The following HMCN1 variants were observed in gnomAD, a reference collection of about 807,000 sequenced individuals.
HMCN1 encodes the protein hemicentin 1, also known as hemicentin-1.
Under a neutral mutation model 625.9 loss-of-function variants are expected in HMCN1, and 321 were observed. The ratio of observed to expected loss-of-function variants is 0.51; its 90% CI spans 0.47 to 0.56. HMCN1 has a LOEUF of 0.56. Ranked by LOEUF, HMCN1 falls within the 20% of genes least tolerant of loss-of-function variation. The probability of loss-of-function intolerance (pLI) is 0.00; values close to 1 mark genes in which losing one functional copy is unlikely to be tolerated. For missense variants in HMCN1, 6,588 were observed against 6,887.3 expected (o/e 0.96, Z 1.54); for synonymous variants, 2,425 against 2,417.6 (o/e 1.00, Z -0.09).
chr1:186,142,030 AG>A (rs1348599838), intron 89 of HMCN1, among the ~76,000 whole-genome samples: 1 of 152,128 alleles, frequency 6.6e-6, no homozygotes, highest in Non-Finnish European at 1.5e-5. Context: ...TTAGTTTCAG[AG>A]GTATATGTTC....
At chr1:186,055,365 T>C in intron 44 of HMCN1, 28 bp from the exon 45 acceptor site, 1 of 1,608,830 alleles carries the variant, frequency 6.2e-7, no homozygotes, top group Non-Finnish European at 8.5e-7. Flanking sequence ...TCCTCTTTTG[T>C]TTCTTTTTAT....
At chr1:185,821,944 G>A (rs1204080395) in intron 1 of HMCN1, among the ~76,000 whole-genome samples, 1 of 150,676 alleles carries the variant, frequency 6.6e-6, no homozygotes, top group Non-Finnish European at 1.5e-5. Flanking sequence ...ATATTGCTAA[G>A]TGAAAGAAGC....
rs1658704236 is a variant in HMCN1, at chr1:186,074,804, G to A, written c.8203G>A (p.Ala2735Thr). The stretch of plus-strand genomic sequence containing the variant: ...TGGACACACACTTCAAATAAAGGAG[G>A]CTCAAATATCAGACACCGGACGATA... ...ANGHTLQIKE[A>T]QISDTGRYTC... The change falls in exon 53 of 107, where the codon GCT (alanine) becomes ACT (threonine). Residue 2735 changes from alanine to threonine, a missense_variant. This residue lies in a region of HMCN1 where 4,628 missense variants were observed against 4,853.1 expected (regional missense o/e 0.95). Coordinates refer to ENST00000271588, the MANE Select transcript of HMCN1 (RefSeq NM_031935.3). 4.3e-6 allele frequency: 7 copies of A among 1,612,964 alleles called. No individual in the cohort carries two copies. The South Asian group carries it at 6.6e-5, about 15-fold the overall frequency.
At chr1:186,189,030 G>C (rs1653540352) in intron 106 of HMCN1, among the ~76,000 whole-genome samples, 2 of 152,064 alleles carry the variant, frequency 1.3e-5, no homozygotes, top group African/African-American at 4.8e-5. Context: ...AATTACAAAA[G>C]AAGTACCCCT....
intron 86 of HMCN1, among the ~76,000 whole-genome samples, chr1:186,135,843 C>G (rs192780693): frequency 6.6e-6 from 1 of 152,264 alleles, no homozygotes; most frequent in African/African-American, 2.4e-5. Flanking sequence ...TATTAGTACA[C>G]GTTAGTTCCA....
At chr1:186,147,124 G>A (rs762035905) in intron 93 of HMCN1, among the ~76,000 whole-genome samples, 1 of 152,036 alleles carries the variant, frequency 6.6e-6, no homozygotes, top group Non-Finnish European at 1.5e-5. Context: ...TACTCTCTAC[G>A]CTTTCTACTG....
At chr1:185,761,850 T>A (rs1655526931) in intron 1 of HMCN1, among the ~76,000 whole-genome samples, 1 of 152,190 alleles carries the variant, frequency 6.6e-6, no homozygotes, top group Admixed American at 6.5e-5. Context: ...ATTTTTAAGA[T>A]TTTATTAATA....
intron 97 of HMCN1, among the ~76,000 whole-genome samples, chr1:186,161,566 T>A (rs1313065124): frequency 6.6e-6 from 1 of 152,024 alleles, no homozygotes. Context: ...TACCAGTTGT[T>A]CCTTTCCATG....
At chr1:186,062,853 T>A (rs1286792586) in intron 48 of HMCN1, among the ~76,000 whole-genome samples, 1 of 151,516 alleles carries the variant, frequency 6.6e-6, no homozygotes, top group Non-Finnish European at 1.5e-5. Context: ...CCAAGGTCTA[T>A]TATTTCACTC....
rs71101980 is a variant in HMCN1, at chr1:185,858,586, A to ATTTTTTTTT, written c.340-5845_340-5837dup. 2.6e-4 allele frequency among the ~76,000 whole-genome samples: 9 copies of ATTTTTTTTT among 34,744 alleles called. 3 individuals carry two copies. The highest frequency in any genetic ancestry group is 3.9e-4 in the Non-Finnish European group (7 of 17,942). 22.8% of individuals were successfully genotyped at this position (34,744 alleles called of 152,430 possible). A position where few individuals can be genotyped will look rare whatever the true frequency, so the allele number is the denominator to read the frequency against. ...GCCTATATGCCACCACACCCAGCTA[A>ATTTTTTTTT]TTTTTTTTTTTTTTTTTTTTTTTTT... On this transcript the variant is annotated intron_variant, in intron 2 of 106. Transcript: ENST00000271588.
chr1:185,887,098 G>C (rs966547170), intron 4 of HMCN1, among the ~76,000 whole-genome samples: 2 of 151,904 alleles, frequency 1.3e-5, no homozygotes, highest in Admixed American at 6.6e-5. Flanking sequence ...TCTTTCAAGG[G>C]TCATCTTTTG....
intron 46 of HMCN1, among the ~76,000 whole-genome samples, chr1:186,058,876 T>C (rs76331810): frequency 6.6e-6 from 1 of 152,118 alleles, no homozygotes; most frequent in Non-Finnish European, 1.5e-5. Context: ...TCTTGGTTTA[T>C]AACTGATAGG....
chr1:186,128,093 T>C lies in HMCN1; in HGVS notation c.12706T>C (p.Phe4236Leu), dbSNP rs1420833915. ...TTAATTTTAGCTGGAGGATTCTGGCTTCTATACCTGTGTTGCTAACAATGC... is the reference window on the plus strand; with the variant it reads ...TTAATTTTAGCTGGAGGATTCTGGCCTCTATACCTGTGTTGCTAACAATGC... ...LENVVLEDSG[F>L]YTCVANNAAG... is the part of the protein sequence containing the mutation. The change falls in exon 83 of 107, where the codon TTC (phenylalanine) becomes CTC (leucine). Residue 4236 changes from phenylalanine (F) to leucine (L), a missense_variant. By Grantham distance (22) the Phe-to-Leu change is conservative (BLOSUM62 0). This residue lies in a region of HMCN1 where 1,954 missense variants were observed against 2,013.1 expected (regional missense o/e 0.97). Transcript: ENST00000271588. 6.2e-7 allele frequency: 1 copy of C among 1,613,484 alleles called. No homozygotes were observed.
intron 74 of HMCN1, 88 bp downstream of exon 74, chr1:186,115,034 T>C (rs765835901): frequency 8.2e-6 from 13 of 1,582,828 alleles, no homozygotes; most frequent in Admixed American, 1.7e-5. Flanking sequence ...GATCTTGACA[T>C]TGAAGGCTAG....
At chr1:185,782,448 T>G (rs1486010043) in intron 1 of HMCN1, among the ~76,000 whole-genome samples, 1 of 152,242 alleles carries the variant, frequency 6.6e-6, no homozygotes, top group Non-Finnish European at 1.5e-5. Flanking sequence ...GCCTTGATGG[T>G]CTTTACAGTT....
intron 1 of HMCN1, among the ~76,000 whole-genome samples, chr1:185,735,755 A>T (rs1653518931): frequency 6.6e-6 from 1 of 152,236 alleles, no homozygotes; most frequent in Non-Finnish European, 1.5e-5. Context: ...AGGTTTCAGC[A>T]GCTCCACTGT....
At chr1:185,808,050 T>G (rs1174036614) in intron 1 of HMCN1, among the ~76,000 whole-genome samples, 1 of 152,094 alleles carries the variant, frequency 6.6e-6, no homozygotes, top group Non-Finnish European at 1.5e-5. Context: ...GTGGGACCCC[T>G]GTCTCTATAA....
In HMCN1 at chr1:185,887,663, T is replaced by A. The variant is rs541321066; in HGVS notation, c.622-21674T>A. ...CATCATTTTTTATGACTGCATAGTA[T>A]TCCATGGTGTATATGTGCCACATTT... On this transcript the variant is annotated intron_variant, in intron 4 of 106. Transcript: ENST00000271588. Among the ~76,000 whole-genome samples the A allele has an allele frequency of 7.1e-3, 1,040 of 145,964 alleles. 16 individuals are homozygous for A. The highest frequency in any genetic ancestry group is 0.025 in the African/African-American group (932 of 36,610).
intron 1 of HMCN1, among the ~76,000 whole-genome samples, chr1:185,765,144 GAT>G (rs1655790080): frequency 2.0e-5 from 3 of 152,258 alleles, no homozygotes; most frequent in Admixed American, 6.5e-5. Flanking sequence ...AATTGGGAAA[GAT>G]GGACATAATT....
Sources: allele counts gnomAD v4.1 joint callset (sites outside exome capture counted in the v4.1 genomes callset), GRCh38; gene constraint gnomAD v4.1.1; regional missense constraint gnomAD v4.1.1; transcripts MANE v1.5; gene names NCBI Gene and HGNC (gene_info 2026-07-23, HGNC 2026-07-21).